HFM1: variants seen among roughly 807,000 people sequenced by gnomAD.
HFM1 encodes probable ATP-dependent DNA helicase HFM1.
In HFM1, 169 loss-of-function variants were observed where a neutral mutation model predicts 192.1. That is an observed-to-expected ratio of 0.88 (90% confidence interval 0.78 to 1.00). HFM1 has a LOEUF of 1.00. HFM1 is among the 50% of genes least tolerant of loss of function. HFM1 has a pLI of 0.00. For synonymous variants in HFM1, 525 were observed against 537.8 expected (o/e 0.98, Z 0.33); for missense variants, 1,661 against 1,668.0 (o/e 1.00, Z 0.07).
chr1:91,285,138 C>T (rs1377017608), intron 30 of HFM1, among the ~76,000 whole-genome samples: 5 of 152,144 alleles, frequency 3.3e-5, no homozygotes, highest in African/African-American at 1.2e-4. Flanking sequence ...GAGGCCTCCC[C>T]AGCCACGTGG....
Position 91,378,097 on chromosome 1 carries a change from A to C in HFM1, c.1323T>G (p.Thr441=), listed in dbSNP as rs369679144. 25 of 1,612,040 alleles carry C rather than the reference A, an allele frequency of 1.6e-5. No homozygotes were observed. Among genetic ancestry groups the C allele is most frequent in the Non-Finnish European group, 2.1e-5 (25 of 1,178,718 alleles). ...RMKTVQSVSQ[T]LKNTSTAIPM... ...GAATAGCAGTGCTGGTATTTTTTAA[A>C]GTCTGAGAAACAGACTGTACAGTTT... The change falls in exon 11 of 39, where the codon ACT becomes ACG. Residue 441 remains threonine (T), a synonymous_variant. Transcript: ENST00000370425.
At chr1:91,407,604 C>A (rs1664853169), upstream of HFM1, among the ~76,000 whole-genome samples, 2 of 152,178 alleles carry the variant, frequency 1.3e-5, no homozygotes, top group African/African-American at 2.4e-5. Flanking sequence ...CAATAATATT[C>A]TATTGTATTT....
At chr1:91,328,541 AGAAC>A in intron 20 of HFM1, 2 of 1,612,712 alleles carry the variant, frequency 1.2e-6, no homozygotes, top group Non-Finnish European at 1.7e-6. Flanking sequence ...GATGTGCTGC[AGAAC>A]GAGGAGGGTG....
intron 20 of HFM1, among the ~76,000 whole-genome samples, chr1:91,333,720 C>T (rs550423790): frequency 6.6e-6 from 1 of 152,232 alleles, no homozygotes; most frequent in Admixed American, 6.5e-5. Context: ...ATCTCATGAA[C>T]TCTATAAATA....
chr1:91,365,156 T>C (rs1454711874), intron 13 of HFM1, among the ~76,000 whole-genome samples: 1 of 151,600 alleles, frequency 6.6e-6, no homozygotes, highest in Non-Finnish European at 1.5e-5. Flanking sequence ...AAGTCAACTA[T>C]ACAGAGATAG....
chr1:91,311,791 C>T lies in HFM1; in HGVS notation c.3391+1558G>A, dbSNP rs191559411. The stretch of plus-strand genomic sequence containing the variant: ...GGGAAAATGTCTCCAGGCCATGTCA[C>T]AGATGTTTACGGCAGCCCCTTCTAT... On this transcript the variant is annotated intron_variant, in intron 30 of 38. Transcript: ENST00000370425. Among the ~76,000 whole-genome samples the T allele has an allele frequency of 2.9e-3, 446 of 152,290 alleles. 1 individual carries two copies. Among genetic ancestry groups the T allele is most frequent in the African/African-American group, 9.9e-3 (410 of 41,562 alleles).
At chr1:91,314,360 C>T (rs1650900971) in intron 28 of HFM1, among the ~76,000 whole-genome samples, 1 of 152,194 alleles carries the variant, frequency 6.6e-6, no homozygotes, top group Non-Finnish European at 1.5e-5. Context: ...CTCAGGCAGT[C>T]TTCCTGCCTC....
intron 30 of HFM1, among the ~76,000 whole-genome samples, chr1:91,302,218 C>A (rs955456647): frequency 1.1e-4 from 17 of 151,548 alleles, no homozygotes; most frequent in African/African-American, 4.1e-4. Context: ...AAATGCAAAT[C>A]AAAACCACAA....
intron 2 of HFM1, among the ~76,000 whole-genome samples, chr1:91,397,449 T>C (rs1663799727): frequency 6.6e-6 from 1 of 152,198 alleles, no homozygotes; most frequent in South Asian, 2.1e-4. Context: ...AAGAGCATCA[T>C]ATATTTTGTC....
At chr1:91,388,082 G>A (rs1054399859) in intron 4 of HFM1, among the ~76,000 whole-genome samples, 15 of 152,034 alleles carry the variant, frequency 9.9e-5, no homozygotes, top group African/African-American at 3.6e-4. Context: ...GAAGTTATGG[G>A]AACTCTGCAC....
intron 30 of HFM1, among the ~76,000 whole-genome samples, chr1:91,305,846 G>A (rs968280705): frequency 6.6e-6 from 1 of 151,968 alleles, no homozygotes; most frequent in African/African-American, 2.4e-5. Flanking sequence ...GGGATTATAG[G>A]TATGAGCCAC....
intron 30 of HFM1, among the ~76,000 whole-genome samples, chr1:91,288,972 C>T (rs920451814): frequency 6.6e-6 from 1 of 151,108 alleles, no homozygotes; most frequent in African/African-American, 2.4e-5. Flanking sequence ...GCGCCCCCCA[C>T]CTCCCGGACG....
At position 91,313,450 on chromosome 1, in the gene HFM1, G is replaced by T; in HGVS notation, c.3290C>A (p.Pro1097His). 1.3e-6 allele frequency: 2 copies of T among 1,598,666 alleles called. No homozygotes were observed. The highest frequency in any genetic ancestry group is 1.7e-6 in the Non-Finnish European group (2 of 1,171,194). The change falls in exon 30 of 39, where the codon CCC becomes CAC. Residue 1097 changes from proline (P) to histidine (H), a missense_variant. Pro to His is a moderately conservative substitution (Grantham distance 77). Transcript: ENST00000370425. ...QQKLTVFYLEPKRFGNQITMQ... is the reference protein window; with the variant it reads ...QQKLTVFYLEHKRFGNQITMQ... ...AGTGATTTGATTTCCAAACCTCTTG[G>T]GTTCTAAGTAAAAGACTGTAAGTTT...
intron 13 of HFM1, among the ~76,000 whole-genome samples, chr1:91,371,073 T>C (rs907849584): frequency 6.6e-6 from 1 of 151,380 alleles, no homozygotes; most frequent in African/African-American, 2.4e-5. Context: ...TACAAACCAC[T>C]GCTCAAGGAA....
At chr1:91,291,690 TA>T (rs1312522033) in intron 30 of HFM1, among the ~76,000 whole-genome samples, 1 of 152,048 alleles carries the variant, frequency 6.6e-6, no homozygotes, top group African/African-American at 2.4e-5. Context: ...GAATCCTCCC[TA>T]ACTCATTTTA....
At chr1:91,320,001 T>C (rs1651846556) in intron 23 of HFM1, among the ~76,000 whole-genome samples, 1 of 152,186 alleles carries the variant, frequency 6.6e-6, no homozygotes, top group Non-Finnish European at 1.5e-5. Context: ...AAAAAGACAC[T>C]AGTGCCTATG....
At chr1:91,313,927 T>G (rs989669079) in intron 29 of HFM1, 30 bp downstream of exon 29, 1 of 1,170,186 alleles carries the variant, frequency 8.5e-7, no homozygotes, top group South Asian at 1.4e-5. Flanking sequence ...ATTATTTATA[T>G]TCATGTCTTC....
At chr1:91,313,861 C>G (rs1043827089) in intron 29 of HFM1, 96 bp downstream of exon 29, 1 of 634,594 alleles carries the variant, frequency 1.6e-6, no homozygotes, top group Non-Finnish European at 2.7e-6. Context: ...TGCATAATAC[C>G]ATTTATACTG....
At chr1:91,343,578 T>TCATTGTCAG in intron 19 of HFM1, 68 bp from the exon 20 acceptor site, 1 of 625,902 alleles carries the variant, frequency 1.6e-6, no homozygotes, top group Non-Finnish European at 2.7e-6. Context: ...TAATTTATTA[T>TCATTGTCAG]TAAATATGCT....
Sources: gnomAD v4.1 joint callset for allele counts (sites outside exome capture counted in the v4.1 genomes callset) on GRCh38, gnomAD v4.1.1 for gene constraint, MANE v1.5 for transcripts, NCBI Gene and HGNC (gene_info 2026-07-23, HGNC 2026-07-21) for gene names.